The following CDKL3 variants were observed in gnomAD, a reference collection of about 807,000 sequenced individuals.
CDKL3 encodes the protein cyclin-dependent kinase-like 3.
A neutral mutation model predicts 69.3 loss-of-function variants in CDKL3; 65 were observed. The observed-to-expected ratio is 0.94, with a 90% CI of 0.77 to 1.15. The LOEUF is 1.15. Ranked by LOEUF, CDKL3 falls within the 50% of genes most tolerant of loss-of-function variation. CDKL3 has a pLI of 0.00. For synonymous variants in CDKL3, 202 were observed against 221.6 expected (o/e 0.91, Z 0.79); for missense variants, 652 against 689.2 (o/e 0.95, Z 0.61).
chr5:134,369,426 A>G (rs573603180), upstream of CDKL3, among the ~76,000 whole-genome samples: 3 of 152,040 alleles, frequency 2.0e-5, no homozygotes, highest in South Asian at 2.1e-4. Flanking sequence ...ACAGGGAAAG[A>G]GGGGGTAGGA....
chr5:134,311,060 G>GA (rs1439530281), intron 7 of CDKL3, among the ~76,000 whole-genome samples: 3 of 152,086 alleles, frequency 2.0e-5, no homozygotes, highest in African/African-American at 7.2e-5. Context: ...AGAAAATGGT[G>GA]TTTTTTTAGA....
At chr5:134,315,725 A>G (rs1770872514) in intron 6 of CDKL3, among the ~76,000 whole-genome samples, 1 of 152,182 alleles carries the variant, frequency 6.6e-6, no homozygotes, top group African/African-American at 2.4e-5. Context: ...AATTTTAAAA[A>G]AGATACCTCC....
intron 2 of CDKL3, among the ~76,000 whole-genome samples, chr5:134,364,368 C>T (rs1756847793): frequency 1.3e-5 from 2 of 152,146 alleles, no homozygotes; most frequent in Admixed American, 6.6e-5. Context: ...ACTCCTGTCA[C>T]CTCAAATTCA....
At chr5:134,312,244 C>G (rs1481203391) in intron 7 of CDKL3, 48 bp downstream of exon 7, 1 of 1,123,584 alleles carries the variant, frequency 8.9e-7, no homozygotes, top group Non-Finnish European at 1.3e-6. Flanking sequence ...GTAAAATTTC[C>G]CAATACAAAA....
At chr5:134,298,346 G>A (rs2149407486), downstream of CDKL3, 1 of 1,087,028 alleles carries the variant, frequency 9.2e-7, no homozygotes, top group South Asian at 3.9e-5. Context: ...AGAAGGCAGA[G>A]ATCATTAAGT....
At chr5:134,370,728 T>C (rs952615249), upstream of CDKL3, among the ~76,000 whole-genome samples, 3 of 152,184 alleles carry the variant, frequency 2.0e-5, no homozygotes, top group African/African-American at 7.2e-5. Flanking sequence ...CAAGGAACCA[T>C]TTCAGGAGAT....
intron 2 of CDKL3, among the ~76,000 whole-genome samples, chr5:134,362,434 G>A (rs1409754059): frequency 1.3e-5 from 2 of 152,074 alleles, no homozygotes; most frequent in Non-Finnish European, 2.9e-5. Context: ...CAGGAGAATC[G>A]CTTGAACCCG....
At chr5:134,315,417 A>C (rs1275429874) in intron 6 of CDKL3, among the ~76,000 whole-genome samples, 2 of 152,120 alleles carry the variant, frequency 1.3e-5, no homozygotes, top group Non-Finnish European at 2.9e-5. Context: ...CTGCAGTCTC[A>C]AATTCCTGGG....
Position 134,367,104 on chromosome 5 carries a change from T to G in CDKL3, c.-149A>C. 1 of 986,114 alleles carries G rather than the reference T, an allele frequency of 1.0e-6. No individual in the cohort carries two copies. Among genetic ancestry groups the G allele is most frequent in the Non-Finnish European group, 1.2e-6 (1 of 830,444 alleles). The allele number at this position is 986,114 out of a possible 1,614,324, so 61.1% of individuals were successfully genotyped here. ...GAGCCACCGAACACTGATACTACTT[T>G]GTTGCTCAGCCCCGCAAGGAACCGG... On this transcript the variant is annotated 5_prime_UTR_variant, in exon 1 of 13. Coordinates refer to ENST00000265334, the MANE Select transcript of CDKL3 (RefSeq NM_001113575.2).
At chr5:134,322,770 A>C (rs1372774654) in intron 4 of CDKL3, among the ~76,000 whole-genome samples, 1 of 152,198 alleles carries the variant, frequency 6.6e-6, no homozygotes, top group Non-Finnish European at 1.5e-5. Context: ...TCACAAGGTC[A>C]GGAGTTCGAG....
At chr5:134,314,857 A>C (rs1006682744) in intron 6 of CDKL3, among the ~76,000 whole-genome samples, 1 of 152,054 alleles carries the variant, frequency 6.6e-6, no homozygotes, top group Non-Finnish European at 1.5e-5. Context: ...GAGTGATGGA[A>C]ATGTTAGGTA....
chr5:134,332,697 C>G (rs1236403407), intron 4 of CDKL3, among the ~76,000 whole-genome samples: 3 of 152,226 alleles, frequency 2.0e-5, no homozygotes, highest in African/African-American at 7.2e-5. Flanking sequence ...ATTACTGTAG[C>G]CTTGTAGTAT....
chr5:134,362,533 T>C (rs34484624), intron 2 of CDKL3, among the ~76,000 whole-genome samples: 3,307 of 151,666 alleles, frequency 0.022, 56 homozygotes, highest in Non-Finnish European at 0.034. Flanking sequence ...AAAAAGTAAT[T>C]TGAATTAAGT....
At chr5:134,331,837 CA>C (rs1348737466) in intron 4 of CDKL3, among the ~76,000 whole-genome samples, 1 of 152,162 alleles carries the variant, frequency 6.6e-6, no homozygotes, top group Non-Finnish European at 1.5e-5. Flanking sequence ...ATTGCTGGGT[CA>C]AATGGTATTT....
chr5:134,362,966 G>A (rs557282914), intron 2 of CDKL3, among the ~76,000 whole-genome samples: 26 of 151,998 alleles, frequency 1.7e-4, no homozygotes, highest in African/African-American at 5.3e-4. Context: ...AAGCCAATGA[G>A]AATAGTTAGG....
At position 134,326,856 on chromosome 5, in the gene CDKL3, TATATATATATAC is replaced by T. The variant is rs1229354520; in HGVS notation, c.540-4965_540-4954del. Among the ~76,000 whole-genome samples the T allele has an allele frequency of 1.0e-3, 98 of 95,248 alleles. 2 individuals carry two copies. Among genetic ancestry groups the T allele is most frequent in the African/African-American group, 4.7e-3 (72 of 15,344 alleles). The allele number at this position is 95,248 out of a possible 152,430, so 62.5% of individuals were successfully genotyped here. ...ATATATATATATATATATATATATATATATATATATACACACACACACATAGTCCTTATAGTC... is the reference window on the plus strand; with the variant it reads ...ATATATATATATATATATATATATATACACACACACATAGTCCTTATAGTC... On this transcript the variant is annotated intron_variant, in intron 4 of 12. Coordinates refer to ENST00000265334, the MANE Select transcript of CDKL3 (RefSeq NM_001113575.2).
intron 4 of CDKL3, among the ~76,000 whole-genome samples, chr5:134,334,364 T>G (rs1776541698): frequency 6.6e-6 from 1 of 151,924 alleles, no homozygotes; most frequent in African/African-American, 2.4e-5. Context: ...GAATTTGAAT[T>G]TGTTTGCTCT....
At chr5:134,318,400 A>G (rs1024972718) in intron 6 of CDKL3, among the ~76,000 whole-genome samples, 1 of 152,236 alleles carries the variant, frequency 6.6e-6, no homozygotes, top group East Asian at 1.9e-4. Context: ...ATTTTAGTAC[A>G]AAAAATAGGT....
rs558112382 is a variant in CDKL3 at position 134,325,744 on chromosome 5, GTTAA to G, written c.540-3845_540-3842del. On this transcript the variant is annotated intron_variant, in intron 4 of 12. Transcript: ENST00000265334. Reference sequence around the variant, plus strand: ...TTTAAAAAAAACTCTCAAGCTTTAAGTTAATTGTTATTATTATTATTTATTATTA... The same window carrying G: ...TTTAAAAAAAACTCTCAAGCTTTAAGTTGTTATTATTATTATTTATTATTA... 4.6e-4 allele frequency among the ~76,000 whole-genome samples: 70 copies of G among 151,744 alleles called. No individual in the cohort carries two copies. The East Asian group carries it at 7.6e-3, about 16-fold the overall frequency.
Sources: gnomAD v4.1 joint callset for allele counts (sites outside exome capture counted in the v4.1 genomes callset) on GRCh38, gnomAD v4.1.1 for gene constraint, MANE v1.5 for transcripts, NCBI Gene and HGNC (gene_info 2026-07-23, HGNC 2026-07-21) for gene names.